IFI44L: variants seen among roughly 807,000 people sequenced by gnomAD.
IFI44L encodes interferon-induced protein 44-like.
Under a neutral mutation model 39.3 loss-of-function variants are expected in IFI44L, and 40 were observed. The ratio of observed to expected loss-of-function variants is 1.02; its 90% CI spans 0.79 to 1.33. The LOEUF (loss-of-function observed/expected upper bound fraction) is 1.33, where lower values mean the gene tolerates loss of function less well. Ranked by LOEUF, IFI44L falls within the 40% of genes most tolerant of loss-of-function variation. The pLI, the probability that IFI44L is intolerant of heterozygous loss-of-function variation, is 0.00. For missense variants in IFI44L, 623 were observed against 549.0 expected, an observed-to-expected ratio of 1.13 and a Z score of -1.35; for synonymous variants, 198 against 182.3, an observed-to-expected ratio of 1.09 and a Z score of -0.69.
chr1:78,634,290 T>C (rs1257337519), intron 4 of IFI44L, among the ~76,000 whole-genome samples: 1 of 151,966 alleles, frequency 6.6e-6, no homozygotes, highest in Non-Finnish European at 1.5e-5. Context: ...AACTGTAAAA[T>C]ATCAAAGACA....
rs562716772 is a variant in IFI44L, at chr1:78,644,105, T to C, written c.*2296T>C. 10 of 152,186 alleles carry C rather than the reference T, an allele frequency of 6.6e-5. No homozygotes were observed. The highest frequency in any genetic ancestry group is 1.5e-4 in the Non-Finnish European group (10 of 68,034). 9.4% of individuals were successfully genotyped at this position (152,186 alleles called of 1,614,324 possible). A position where few individuals can be genotyped will look rare whatever the true frequency, so the allele number is the denominator to read the frequency against. On this transcript the variant is annotated 3_prime_UTR_variant, in exon 9 of 9. Transcript: ENST00000370751. ...GGGAGAAAACAAGCCATGACCATTG[T>C]TGGTTGGGAGACTGAAGGTGATTGA...
At chr1:78,625,615 T>G (rs1043871631) in intron 1 of IFI44L, 6 of 152,088 alleles carry the variant, frequency 3.9e-5, no homozygotes, top group Non-Finnish European at 8.8e-5. Context: ...TATTGTATAC[T>G]TGATTTGTCC....
intron 1 of IFI44L, among the ~76,000 whole-genome samples, chr1:78,624,282 C>T (rs1165550074): frequency 1.3e-5 from 2 of 152,212 alleles, no homozygotes; most frequent in South Asian, 2.1e-4. Context: ...AGGTGTGAGT[C>T]ACCACGCCTG....
intron 1 of IFI44L, chr1:78,626,250 A>G (rs1245068949): frequency 6.6e-6 from 1 of 151,994 alleles, no homozygotes; most frequent in Non-Finnish European, 1.5e-5. Flanking sequence ...TTTACATAGC[A>G]AATCTCTTTT....
chr1:78,626,996 C>T (rs1371419520), intron 1 of IFI44L: 1 of 151,934 alleles, frequency 6.6e-6, no homozygotes, highest in Non-Finnish European at 1.5e-5. Flanking sequence ...GGAAAGGTTT[C>T]CAAGGTGCTC....
At chr1:78,620,693 A>T (rs1399811474) in intron 1 of IFI44L, 122 bp downstream of exon 1, 1 of 152,184 alleles carries the variant, frequency 6.6e-6, no homozygotes, top group Non-Finnish European at 1.5e-5. Flanking sequence ...CATCACCTCA[A>T]CCATTTATCA....
chr1:78,628,830 A>G, intron 2 of IFI44L, 121 bp from the exon 3 acceptor site: 1 of 657,152 alleles, frequency 1.5e-6, no homozygotes, highest in Non-Finnish European at 2.7e-6. Context: ...TCTGACTCCT[A>G]ACTGAGCAGC....
intron 3 of IFI44L, 57 bp downstream of exon 3, chr1:78,629,056 G>C: frequency 9.6e-7 from 1 of 1,042,094 alleles, no homozygotes; most frequent in East Asian, 2.4e-5. Flanking sequence ...ATTGTATAAA[G>C]AATGCTGACA....
rs373726085 is a variant in IFI44L at position 78,628,307 on chromosome 1, A to G, written c.392A>G (p.Tyr131Cys). The change falls in exon 2 of 9, where the codon TAT becomes TGT. Residue 131 changes from tyrosine (Y) to cysteine (C), a missense_variant. Physicochemically the swap from Tyr to Cys is radical, Grantham distance 194. Transcript: ENST00000370751. Reference protein sequence around the residue: ...IFIICRDNKIYLDKMITRNLK... With the variant: ...IFIICRDNKICLDKMITRNLK... ...ATTATATGTCGAGATAATAAAATTTATCTAGATAAAATGATAACAAGAAAC... is the reference window on the plus strand; with the variant it reads ...ATTATATGTCGAGATAATAAAATTTGTCTAGATAAAATGATAACAAGAAAC... The G allele has an allele frequency of 5.0e-6, 8 of 1,604,728 alleles. No individual in the cohort carries two copies. The African/African-American group carries it at 1.1e-4, about 22-fold the overall frequency.
At position 78,641,811 on chromosome 1, in the gene IFI44L, A is replaced by AT. The variant is rs552896281; in HGVS notation, c.*3dup. On this transcript the variant is annotated 3_prime_UTR_variant, in exon 9 of 9. Transcript: ENST00000370751. The stretch of plus-strand genomic sequence containing the variant: ...AGAGCGTTACAGCCCTGCATTTGAG[A>AT]TAAGTTGCCTTGATTCTGACATTTG... The AT allele has an allele frequency of 1.2e-6, 2 of 1,613,546 alleles. No homozygotes were observed. Among genetic ancestry groups the AT allele is most frequent in the South Asian group, 2.2e-5 (2 of 91,072 alleles).
intron 4 of IFI44L, among the ~76,000 whole-genome samples, chr1:78,632,860 T>A (rs1191067560): frequency 6.6e-6 from 1 of 152,184 alleles, no homozygotes; most frequent in African/African-American, 2.4e-5. Flanking sequence ...CTGTAAATTT[T>A]TAAAAAAATG....
At chr1:78,634,177 T>A (rs1012815764) in intron 4 of IFI44L, among the ~76,000 whole-genome samples, 1 of 151,802 alleles carries the variant, frequency 6.6e-6, no homozygotes, top group Non-Finnish European at 1.5e-5. Context: ...AGCAAAAAAC[T>A]TTTAAAACCT....
At position 78,629,738 on chromosome 1, in the gene IFI44L, A is replaced by T; in HGVS notation, c.546A>T (p.Leu182=). 6.2e-7 allele frequency: 1 copy of T among 1,612,116 alleles called. No homozygotes were observed. The highest frequency in any genetic ancestry group is 8.5e-7 in the Non-Finnish European group (1 of 1,179,150). Residue 182 remains leucine (L), a synonymous_variant, in exon 4 of 9, where the codon CTA becomes CTT. Coordinates refer to ENST00000370751, the MANE Select transcript of IFI44L (RefSeq NM_006820.4). ...TTAACAGGCACAGAAATAGGCTTCTAGCAGACATCAGAGACTATAGGCCCT... is the reference window on the plus strand; with the variant it reads ...TTAACAGGCACAGAAATAGGCTTCTTGCAGACATCAGAGACTATAGGCCCT... ...IKAREHRNRL[L]ADIRDYRPYA... is the part of the protein sequence containing the mutation.
In IFI44L at chr1:78,629,870, T is replaced by G; in HGVS notation, c.678T>G (p.Thr226=). The change falls in exon 4 of 9, where the codon ACT becomes ACG. Residue 226 remains threonine, a synonymous_variant. Transcript: ENST00000370751. ...AGTCTATTTTTCATGGCCATGTGAC[T>G]GGCCAAGCCGTAGTGGGGTCTGATA... ...SVKSIFHGHV[T]GQAVVGSDIT... is the part of the protein sequence containing the mutation. 1.2e-6 allele frequency: 2 copies of G among 1,613,756 alleles called. No individual in the cohort carries two copies. Among genetic ancestry groups the G allele is most frequent in the Non-Finnish European group, 1.7e-6 (2 of 1,179,810 alleles).
In IFI44L at chr1:78,641,276, A is replaced by G. The variant is rs185788991; in HGVS notation, c.1149+155A>G. ...AATTGCTTGATTAATTCAAATTTAT[A>G]TCACACTTTAAAACTGCAATGATCT... On this transcript the variant is annotated intron_variant, in intron 7 of 8. Transcript: ENST00000370751. Among the ~76,000 whole-genome samples, 16 of 152,320 alleles carry G rather than the reference A, an allele frequency of 1.1e-4. No individual in the cohort carries two copies. The South Asian group carries it at 2.3e-3, about 22-fold the overall frequency.
At chr1:78,627,650 T>C in intron 1 of IFI44L, 1 of 246,948 alleles carries the variant, frequency 4.0e-6, no homozygotes, top group Non-Finnish European at 7.6e-6. Flanking sequence ...TTGAGATTTA[T>C]TTTTCCTTTA....
rs1647039483 is a variant in IFI44L at position 78,645,786 on chromosome 1, T to C, written c.*3977T>C. ...AATGTAAGGAGGATAAAAACTTGCA[T>C]ACCAATTGTACACCCTTGCAAAATC... On this transcript the variant is annotated 3_prime_UTR_variant, in exon 9 of 9. Transcript: ENST00000370751. 1 of 152,202 alleles carries C rather than the reference T, an allele frequency of 6.6e-6. No individual in the cohort carries two copies. Among genetic ancestry groups the C allele is most frequent in the South Asian group, 2.1e-4 (1 of 4,828 alleles). The allele number at this position is 152,202 out of a possible 1,614,324, so 9.4% of individuals were successfully genotyped here. A position where few individuals can be genotyped will look rare whatever the true frequency, so the allele number is the denominator to read the frequency against.
rs769413759 is a variant in IFI44L, at chr1:78,627,913, A to G, written c.-3A>G. 3 of 1,564,848 alleles carry G rather than the reference A, an allele frequency of 1.9e-6. No homozygotes were observed. Among genetic ancestry groups the G allele is most frequent in the Non-Finnish European group, 2.6e-6 (3 of 1,152,366 alleles). ...TAATTGTTTTTCCATTAGATATAGA[A>G]CAATGGAAGTGACAACAAGATTGAC... On this transcript the variant is annotated 5_prime_UTR_variant, in exon 2 of 9. Coordinates refer to ENST00000370751, the MANE Select transcript of IFI44L (RefSeq NM_006820.4).
intron 6 of IFI44L, among the ~76,000 whole-genome samples, chr1:78,638,362 C>T (rs540541543): frequency 8.5e-5 from 13 of 152,096 alleles, no homozygotes; most frequent in East Asian, 1.9e-4. Flanking sequence ...ACATTGTTTG[C>T]GGATAGTTTC....
Sources: gnomAD v4.1 joint callset for allele counts (sites outside exome capture counted in the v4.1 genomes callset) on GRCh38, gnomAD v4.1.1 for gene constraint, MANE v1.5 for transcripts, NCBI Gene and HGNC (gene_info 2026-07-23, HGNC 2026-07-21) for gene names.